The following ETV4 variants were observed in gnomAD, a reference collection of about 807,000 sequenced individuals.
The protein encoded by ETV4 is ETS variant transcription factor 4.
Under a neutral mutation model 65.9 loss-of-function variants are expected in ETV4, and 42 were observed. The ratio of observed to expected loss-of-function variants is 0.64; its 90% confidence interval spans 0.50 to 0.82. The LOEUF is 0.82. Ranked by LOEUF, ETV4 falls within the 40% of genes least tolerant of loss-of-function variation. The pLI is 0.00. For synonymous variants in ETV4, 238 were observed against 260.0 expected (o/e 0.92, Z 0.81); for missense variants, 583 against 630.3 (o/e 0.92, Z 0.80).
chr17:43,536,388 C>T, intron 5 of ETV4, 38 bp downstream of exon 5: 1 of 1,581,990 alleles, frequency 6.3e-7, no homozygotes, highest in Non-Finnish European at 8.7e-7. Flanking sequence ...CTGCCATCCT[C>T]CACTCCCTAT....
At chr17:43,541,327 C>T (rs1265549219) in intron 4 of ETV4, among the ~76,000 whole-genome samples, 1 of 152,244 alleles carries the variant, frequency 6.6e-6, no homozygotes, top group Non-Finnish European at 1.5e-5. Context: ...GTGTACACCA[C>T]TCTCTTTATT....
chr17:43,545,567 G>C lies in ETV4; in HGVS notation c.51C>G (p.Thr17=), dbSNP rs772176543. 2.3e-5 allele frequency: 35 copies of C among 1,550,318 alleles called. No individual in the cohort carries two copies. The highest frequency in any genetic ancestry group is 3.1e-5 in the Non-Finnish European group (35 of 1,146,728). Reference sequence around the variant, plus strand: ...CCGGCGCGGCGCTCACGCTGCTGAAGGTGTAGGGCACTTGCTGGTCCAAGT... The same window carrying C: ...CCGGCGCGGCGCTCACGCTGCTGAACGTGTAGGGCACTTGCTGGTCCAAGT... ...AGYLDQQVPY[T]FSSKSPGNGS... is the part of the protein sequence containing the mutation. Residue 17 remains threonine (T), a synonymous_variant, in exon 2 of 13, where the codon ACC becomes ACG. Coordinates refer to ENST00000319349, the MANE Select transcript of ETV4 (RefSeq NM_001079675.5).
At chr17:43,544,950 T>C in intron 4 of ETV4, 25 bp downstream of exon 4, 2 of 1,612,034 alleles carry the variant, frequency 1.2e-6, no homozygotes, top group Non-Finnish European at 1.7e-6. Context: ...CCTCCCAAAA[T>C]AGAAAAGGTC....
At chr17:43,541,699 T>C (rs368947068) in intron 4 of ETV4, among the ~76,000 whole-genome samples, 14 of 151,964 alleles carry the variant, frequency 9.2e-5, no homozygotes, top group African/African-American at 3.4e-4. Flanking sequence ...GTGAAGGGGG[T>C]AGAGGCATTC....
chr17:43,532,855 T>G lies in ETV4; in HGVS notation c.630A>C (p.Gln210His). 6.2e-7 allele frequency: 1 copy of G among 1,613,254 alleles called. No individual in the cohort carries two copies. The highest frequency in any genetic ancestry group is 8.5e-7 in the Non-Finnish European group (1 of 1,179,512). The part of the protein sequence containing the change: ...GGREPLPAPY[Q>H]HQLSEPCPPY... The stretch of plus-strand genomic sequence containing the variant: ...GTGGGCAGGGCTCCGACAGCTGGTG[T>G]TGGTAGGGGGCTGGGAGGGGTTCCC... The change falls in exon 8 of 13, where the codon CAA becomes CAC. Residue 210 changes from glutamine (Q) to histidine (H), a missense_variant. By Grantham distance (24) the Gln-to-His change is conservative. Coordinates refer to ENST00000319349, the MANE Select transcript of ETV4 (RefSeq NM_001079675.5).
At position 43,528,369 on chromosome 17, in the gene ETV4, TCA is replaced by T. The variant is rs1970689179; in HGVS notation, c.*148_*149del. The T allele has an allele frequency of 1.2e-5, 7 of 576,464 alleles. No homozygotes were observed. Among genetic ancestry groups the T allele is most frequent in the Non-Finnish European group, 2.1e-5 (7 of 328,246 alleles). The allele number at this position is 576,464 out of a possible 1,614,324, so 35.7% of individuals were successfully genotyped here. On this transcript the variant is annotated 3_prime_UTR_variant, in exon 13 of 13. Transcript: ENST00000319349. Reference sequence around the variant, plus strand: ...CTTCCCAATGACTCCGGTGAGCAGCTCAGAGTCTGGGCTAGGGCAACTGGTAG... The same window carrying T: ...CTTCCCAATGACTCCGGTGAGCAGCTGAGTCTGGGCTAGGGCAACTGGTAG...
Position 43,533,986 on chromosome 17 carries a change from C to T in ETV4, c.257-1G>A, listed in dbSNP as rs1445744425. ...CTGGTGGTGGGGCTGTGGAAAGCTA[C>T]TGTGGGGGTGGAGGGGACAGAGCAA... On this transcript the variant is annotated splice_acceptor_variant, in intron 5 of 12. Transcript: ENST00000319349. LOFTEE classifies it high-confidence loss of function. 5 of 1,526,638 alleles carry T rather than the reference C, an allele frequency of 3.3e-6. No homozygotes were observed. Among genetic ancestry groups the T allele is most frequent in the Admixed American group, 2.5e-5 (1 of 40,352 alleles). 94.6% of individuals were successfully genotyped at this position (1,526,638 alleles called of 1,614,324 possible).
chr17:43,532,746 C>A lies in ETV4; in HGVS notation c.739G>T (p.Val247Phe). 6.2e-7 allele frequency: 1 copy of A among 1,614,046 alleles called. No individual in the cohort carries two copies. Among genetic ancestry groups the A allele is most frequent in the South Asian group, 1.1e-5 (1 of 91,084 alleles). The change falls in exon 8 of 13, where the codon GTC (valine) becomes TTC (phenylalanine). Residue 247 changes from valine to phenylalanine, a missense_variant. Transcript: ENST00000319349. Reference protein sequence around the residue: ...AGQPAVDQGGVNGHRYPGAGV... With the variant: ...AGQPAVDQGGFNGHRYPGAGV... ...GCCCCTGGGTACCTGTGCCCATTGA[C>A]CCCACCCTGGTCCACGGCTGGCTGG...
At chr17:43,534,765 C>T (rs1434189833) in intron 5 of ETV4, among the ~76,000 whole-genome samples, 2 of 152,058 alleles carry the variant, frequency 1.3e-5, no homozygotes. Flanking sequence ...CATAGAGAAA[C>T]CCCATCTCTA....
rs992289835 is a variant in ETV4, at chr17:43,528,524, A to G, written c.1450T>C (p.Tyr484His). 1.2e-6 allele frequency: 2 copies of G among 1,603,778 alleles called. No homozygotes were observed. Among genetic ancestry groups the G allele is most frequent in the East Asian group, 4.5e-5 (2 of 44,728 alleles). ...QPFGPKGGYS[Y>H] ...GGGGGAACAGCCGCTGGGGGCTAGT[A>G]AGAGTAGCCACCCTTGGGGCCAAAT... Residue 484 changes from tyrosine (Y) to histidine (H), a missense_variant, in exon 13 of 13, where the codon TAC (tyrosine) becomes CAC (histidine). Coordinates refer to ENST00000319349, the MANE Select transcript of ETV4 (RefSeq NM_001079675.5).
At position 43,528,136 on chromosome 17, in the gene ETV4, C is replaced by G. The variant is rs1431956394; in HGVS notation, c.*383G>C. 7 of 242,268 alleles carry G rather than the reference C, an allele frequency of 2.9e-5. No individual in the cohort carries two copies. Among genetic ancestry groups the G allele is most frequent in the Non-Finnish European group, 8.0e-6 (1 of 124,392 alleles). 15.0% of individuals were successfully genotyped at this position (242,268 alleles called of 1,614,324 possible). On this transcript the variant is annotated 3_prime_UTR_variant, in exon 13 of 13. Coordinates refer to ENST00000319349, the MANE Select transcript of ETV4 (RefSeq NM_001079675.5). Reference sequence around the variant, plus strand: ...CCCGCAGTGGGAGATCTGGGGAGCTCAGTGAACCTCCTCACCCTCCTGCCA... The same window carrying G: ...CCCGCAGTGGGAGATCTGGGGAGCTGAGTGAACCTCCTCACCCTCCTGCCA...
At chr17:43,531,467 G>T (rs981992308) in intron 8 of ETV4, among the ~76,000 whole-genome samples, 1 of 152,130 alleles carries the variant, frequency 6.6e-6, no homozygotes, top group Non-Finnish European at 1.5e-5. Flanking sequence ...TCAATTGGGA[G>T]GCTCAAATAT....
chr17:43,534,139 C>G (rs557917598), intron 5 of ETV4, among the ~76,000 whole-genome samples, 154 bp from the exon 6 acceptor site: 110 of 152,296 alleles, frequency 7.2e-4, no homozygotes, highest in African/African-American at 2.6e-3. Flanking sequence ...CGCAGTGAGA[C>G]AAGAACATTT....
chr17:43,528,157 T>A lies in ETV4; in HGVS notation c.*362A>T, dbSNP rs1970677895. The A allele has an allele frequency of 4.0e-6, 1 of 248,830 alleles. No individual in the cohort carries two copies. Among genetic ancestry groups the A allele is most frequent in the African/African-American group, 2.2e-5 (1 of 45,834 alleles). The allele number at this position is 248,830 out of a possible 1,614,324, so 15.4% of individuals were successfully genotyped here. ...AGCTCAGTGAACCTCCTCACCCTCC[T>A]GCCAGTATGAAGTTGGGAAGCGCCT... On this transcript the variant is annotated 3_prime_UTR_variant, in exon 13 of 13. Transcript: ENST00000319349.
chr17:43,527,910 G>A lies in ETV4; in HGVS notation c.*609C>T, dbSNP rs1970666352. The A allele has an allele frequency of 4.3e-6, 1 of 232,870 alleles. No individual in the cohort carries two copies. The highest frequency in any genetic ancestry group is 8.5e-6 in the Non-Finnish European group (1 of 117,674). The allele number at this position is 232,870 out of a possible 1,614,324, so 14.4% of individuals were successfully genotyped here. A position where few individuals can be genotyped will look rare whatever the true frequency, so the allele number is the denominator to read the frequency against. ...GGTGGAGGTGGAAGTACAAACCCAGGCCTGGGCCTAGGAAAGGGCAGAAGA... is the reference window on the plus strand; with the variant it reads ...GGTGGAGGTGGAAGTACAAACCCAGACCTGGGCCTAGGAAAGGGCAGAAGA... On this transcript the variant is annotated 3_prime_UTR_variant, in exon 13 of 13. Coordinates refer to ENST00000319349, the MANE Select transcript of ETV4 (RefSeq NM_001079675.5).
In ETV4 at chr17:43,530,184, G is replaced by T; in HGVS notation, c.812-3C>A. 1 of 1,554,264 alleles carries T rather than the reference G, an allele frequency of 6.4e-7. No homozygotes were observed. The highest frequency in any genetic ancestry group is 8.7e-7 in the Non-Finnish European group (1 of 1,148,158). On this transcript the variant is annotated splice_region_variant and splice_polypyrimidine_tract_variant and intron_variant, in intron 8 of 12. Transcript: ENST00000319349. ...CATTGATGCGCACCCGGTGACATCTGTGGGGGAAGAAGGGGTGATGTGAGA... is the reference window on the plus strand; with the variant it reads ...CATTGATGCGCACCCGGTGACATCTTTGGGGGAAGAAGGGGTGATGTGAGA...
intron 2 of ETV4, 50 bp from the exon 3 acceptor site, chr17:43,545,417 T>G: frequency 4.2e-6 from 6 of 1,420,758 alleles, no homozygotes; most frequent in Non-Finnish European, 5.6e-6. Context: ...GCGCTTAGTC[T>G]GGGGGACGAG....
In ETV4 at chr17:43,545,227, GT is replaced by G. The variant is rs762436762; in HGVS notation, c.154+46del. On this transcript the variant is annotated intron_variant, in intron 3 of 12. Coordinates refer to ENST00000319349, the MANE Select transcript of ETV4 (RefSeq NM_001079675.5). ...TGTGTGTGTGTGTGTGTGTGTGTGT[GT>G]GTGTGTGGCGGAGGAGGGTCGCGGT... The G allele has an allele frequency of 1.5e-5, 17 of 1,162,966 alleles. No homozygotes were observed. The African/African-American group carries it at 2.3e-4, about 16-fold the overall frequency. The allele number at this position is 1,162,966 out of a possible 1,614,324, so 72.0% of individuals were successfully genotyped here. A position where few individuals can be genotyped will look rare whatever the true frequency, so the allele number is the denominator to read the frequency against.
chr17:43,531,139 GGTT>G (rs1970912868), intron 8 of ETV4, among the ~76,000 whole-genome samples: 1 of 152,204 alleles, frequency 6.6e-6, no homozygotes, highest in Non-Finnish European at 1.5e-5. Flanking sequence ...CAGCCTGGGG[GGTT>G]GTGGTTCATC....
Sources: gnomAD v4.1 joint callset for allele counts (sites outside exome capture counted in the v4.1 genomes callset) on GRCh38, gnomAD v4.1.1 for gene constraint, MANE v1.5 for transcripts, NCBI Gene and HGNC (gene_info 2026-07-23, HGNC 2026-07-21) for gene names.